TGFB2: variants seen among roughly 807,000 people sequenced by gnomAD.
The protein encoded by TGFB2 is transforming growth factor beta 2.
TGFB2 carries 13 observed loss-of-function variants against 42.7 expected under a neutral mutation model. That is an observed-to-expected ratio of 0.30 (90% CI 0.20 to 0.48). TGFB2 has a LOEUF of 0.48. Among genes scored for constraint, TGFB2 ranks in the 20% least tolerant of loss-of-function variants. The pLI, the probability that TGFB2 is intolerant of heterozygous loss-of-function variation, is 0.99. For missense variants in TGFB2, 390 were observed against 517.5 expected (o/e 0.75, Z 2.39); for synonymous variants, 193 against 193.6 (o/e 1.00, Z 0.03).
chr1:218,351,136 A>G (rs570374995), intron 1 of TGFB2, among the ~76,000 whole-genome samples: 16 of 152,372 alleles, frequency 1.1e-4, no homozygotes, highest in Admixed American at 1.0e-3. Flanking sequence ...AATGTGACTT[A>G]GCATTCAATT....
chr1:218,348,802 T>C (rs1418189554), intron 1 of TGFB2, among the ~76,000 whole-genome samples: 3 of 152,242 alleles, frequency 2.0e-5, no homozygotes, highest in African/African-American at 7.2e-5. Flanking sequence ...AAGTATGTTA[T>C]GTAGAACCTG....
chr1:218,420,648 T>A (rs1355500302), intron 2 of TGFB2, among the ~76,000 whole-genome samples: 2 of 152,154 alleles, frequency 1.3e-5, no homozygotes, highest in African/African-American at 4.8e-5. Flanking sequence ...CGTGTATGTG[T>A]GTATGTGTGT....
intron 4 of TGFB2, among the ~76,000 whole-genome samples, chr1:218,435,469 T>C (rs778786103): frequency 2.0e-5 from 3 of 152,188 alleles, no homozygotes; most frequent in Non-Finnish European, 4.4e-5. Context: ...TAGGTAAGGG[T>C]GACTTCTGTT....
chr1:218,442,933 C>G lies in TGFB2; in HGVS notation c.*1571C>G, dbSNP rs1660203723. The G allele has an allele frequency of 6.6e-6, 1 of 152,080 alleles. No individual in the cohort carries two copies. Among genetic ancestry groups the G allele is most frequent in the Non-Finnish European group, 1.5e-5 (1 of 67,998 alleles). The allele number at this position is 152,080 out of a possible 1,614,324, so 9.4% of individuals were successfully genotyped here. A position where few individuals can be genotyped will look rare whatever the true frequency, so the allele number is the denominator to read the frequency against. On this transcript the variant is annotated 3_prime_UTR_variant, in exon 7 of 7. Coordinates refer to ENST00000366930, the MANE Select transcript of TGFB2 (RefSeq NM_003238.6). ...TTTTTGTAAAATCCTATTGTTATTA[C>G]AAAGAGGACACTTCATAGGAAACAT...
rs569227623 is a variant in TGFB2 at position 218,442,775 on chromosome 1, A to G, written c.*1413A>G. 1 of 152,122 alleles carries G rather than the reference A, an allele frequency of 6.6e-6. No homozygotes were observed. Among genetic ancestry groups the G allele is most frequent in the Non-Finnish European group, 1.5e-5 (1 of 68,002 alleles). 9.4% of individuals were successfully genotyped at this position (152,122 alleles called of 1,614,324 possible). A position where few individuals can be genotyped will look rare whatever the true frequency, so the allele number is the denominator to read the frequency against. On this transcript the variant is annotated 3_prime_UTR_variant, in exon 7 of 7. Coordinates refer to ENST00000366930, the MANE Select transcript of TGFB2 (RefSeq NM_003238.6). ...ACGTTAACAAATTTTTATGTTAGGA[A>G]AAGGAGGAATGTTATAGATACATAG...
At chr1:218,368,733 G>A (rs978146671) in intron 1 of TGFB2, among the ~76,000 whole-genome samples, 2 of 152,180 alleles carry the variant, frequency 1.3e-5, no homozygotes, top group Admixed American at 1.3e-4. Flanking sequence ...AGAGTAATCT[G>A]GGACTACCTG....
chr1:218,347,462 C>A (rs888361954), intron 1 of TGFB2, among the ~76,000 whole-genome samples: 1 of 152,042 alleles, frequency 6.6e-6, no homozygotes, highest in Non-Finnish European at 1.5e-5. Context: ...AACTGGTGCA[C>A]GAAGGGTTAA....
chr1:218,372,475 A>C (rs1411613758), intron 1 of TGFB2, among the ~76,000 whole-genome samples: 1 of 152,084 alleles, frequency 6.6e-6, no homozygotes, highest in Non-Finnish European at 1.5e-5. Flanking sequence ...TACCTTGTCC[A>C]TTGTCTATAC....
chr1:218,385,127 A>C (rs1430703824), intron 1 of TGFB2, among the ~76,000 whole-genome samples: 1 of 152,066 alleles, frequency 6.6e-6, no homozygotes, highest in Non-Finnish European at 1.5e-5. Context: ...TCTTACTGGT[A>C]CTTTCTGGTT....
chr1:218,363,384 T>A, intron 1 of TGFB2: 1 of 1,614,020 alleles, frequency 6.2e-7, no homozygotes, highest in African/African-American at 1.3e-5. Context: ...CAGCTTGTGC[T>A]CCAGACAGTC....
chr1:218,441,098 C>G, intron 6 of TGFB2, 106 bp from the exon 7 acceptor site: 2 of 1,037,264 alleles, frequency 1.9e-6, no homozygotes, highest in Non-Finnish European at 2.8e-6. Flanking sequence ...TTTAAATTGC[C>G]TACTCAGTGC....
chr1:218,424,517 C>T (rs1342586), intron 2 of TGFB2, among the ~76,000 whole-genome samples: 34,594 of 152,200 alleles, frequency 0.23, 4,395 homozygotes, highest in East Asian at 0.55. Flanking sequence ...CTTGGGCCTC[C>T]ACCTCATCCT....
intron 1 of TGFB2, among the ~76,000 whole-genome samples, chr1:218,365,696 A>G (rs1657366311): frequency 6.6e-6 from 1 of 151,428 alleles, no homozygotes; most frequent in African/African-American, 2.4e-5. Flanking sequence ...GTTCTTAGAA[A>G]TAGTAATTGA....
intron 5 of TGFB2, 33 bp downstream of exon 5, chr1:218,436,180 C>T: frequency 1.3e-6 from 2 of 1,598,340 alleles, no homozygotes; most frequent in Non-Finnish European, 1.7e-6. Flanking sequence ...CAAGTAATTG[C>T]ATCTGTTAAC....
intron 1 of TGFB2, among the ~76,000 whole-genome samples, chr1:218,375,594 T>C (rs934581591): frequency 6.6e-6 from 1 of 152,228 alleles, no homozygotes; most frequent in African/African-American, 2.4e-5. Context: ...GCATTTTTGC[T>C]TTCTTATTCT....
intron 1 of TGFB2, among the ~76,000 whole-genome samples, chr1:218,384,896 G>A (rs143940391): frequency 6.6e-6 from 1 of 152,354 alleles, no homozygotes; most frequent in African/African-American, 2.4e-5. Flanking sequence ...AGTGGCTGCA[G>A]ATGCTTCAGA....
intron 2 of TGFB2, among the ~76,000 whole-genome samples, chr1:218,413,107 C>A (rs569625587): frequency 1.8e-4 from 27 of 152,288 alleles, no homozygotes; most frequent in African/African-American, 5.8e-4. Flanking sequence ...CGCGGTGGCT[C>A]ACACCTATAA....
intron 1 of TGFB2, among the ~76,000 whole-genome samples, chr1:218,354,516 T>C (rs1245996980): frequency 6.6e-6 from 1 of 152,214 alleles, no homozygotes; most frequent in Non-Finnish European, 1.5e-5. Context: ...ATATTTTACA[T>C]ATATGTACTC....
intron 1 of TGFB2, among the ~76,000 whole-genome samples, chr1:218,358,727 A>G (rs1390038326): frequency 6.6e-6 from 1 of 151,790 alleles, no homozygotes; most frequent in East Asian, 1.9e-4. Context: ...TTTTTTTAGT[A>G]GAGACGGGGT....
Sources: allele counts gnomAD v4.1 joint callset (sites outside exome capture counted in the v4.1 genomes callset), GRCh38; gene constraint gnomAD v4.1.1; transcripts MANE v1.5; gene names NCBI Gene and HGNC (gene_info 2026-07-23, HGNC 2026-07-21).